The following EPC1 variants were observed in gnomAD, a reference collection of about 807,000 sequenced individuals.
EPC1 encodes the protein enhancer of polycomb 1.
Under a neutral mutation model 98.4 loss-of-function variants are expected in EPC1, and 12 were observed. The observed-to-expected ratio is 0.12, with a 90% confidence interval of 0.08 to 0.20. The LOEUF is 0.20. Ranked by LOEUF, EPC1 falls within the 10% of genes least tolerant of loss-of-function variation. The pLI is 1.00. For missense variants in EPC1, 729 were observed against 990.5 expected, an observed-to-expected ratio of 0.74 and a Z score of 3.54; for synonymous variants, 357 against 363.9, an observed-to-expected ratio of 0.98 and a Z score of 0.21.
At chr10:32,328,128 C>T (rs1837414308) in intron 1 of EPC1, among the ~76,000 whole-genome samples, 1 of 152,100 alleles carries the variant, frequency 6.6e-6, no homozygotes, top group Non-Finnish European at 1.5e-5. Flanking sequence ...CTTTGAGCAA[C>T]AAAGGAAGAG....
intron 1 of EPC1, among the ~76,000 whole-genome samples, chr10:32,357,790 T>G (rs1839319971): frequency 6.6e-6 from 1 of 152,024 alleles, no homozygotes; most frequent in Non-Finnish European, 1.5e-5. Flanking sequence ...TTGCTTTTCA[T>G]TGGCTGGTTT....
At chr10:32,354,007 T>C (rs1839199864) in intron 1 of EPC1, among the ~76,000 whole-genome samples, 1 of 152,238 alleles carries the variant, frequency 6.6e-6, no homozygotes, top group Admixed American at 6.5e-5. Flanking sequence ...TGCCTTTCAA[T>C]ATATTTACTA....
At chr10:32,343,695 G>GGA (rs1015443941) in intron 1 of EPC1, among the ~76,000 whole-genome samples, 1 of 1,040 alleles carries the variant, frequency 9.6e-4, no homozygotes, top group East Asian at 0.042. Context: ...AAATTATTTT[G>GGA]GGGGGGGGGT....
intron 1 of EPC1, among the ~76,000 whole-genome samples, chr10:32,355,274 G>A (rs997930155): frequency 3.9e-5 from 6 of 152,160 alleles, no homozygotes; most frequent in Admixed American, 1.3e-4. Context: ...GGTGGGATGC[G>A]TGAACAGGAA....
upstream of EPC1, among the ~76,000 whole-genome samples, chr10:32,351,335 A>G (rs1020314674): frequency 2.6e-5 from 4 of 152,176 alleles, no homozygotes; most frequent in African/African-American, 9.7e-5. Context: ...TTTTCACTCT[A>G]GCTAGCAGTC....
upstream of EPC1, chr10:32,347,248 C>T: frequency 4.3e-6 from 5 of 1,176,344 alleles, no homozygotes; most frequent in Non-Finnish European, 5.3e-6. Flanking sequence ...GGGCTCGAGG[C>T]CGGCGCCGGC....
At chr10:32,272,232 C>T (rs1835885071) in intron 11 of EPC1, 65 bp from the exon 12 acceptor site, 1 of 1,318,272 alleles carries the variant, frequency 7.6e-7, no homozygotes, top group Non-Finnish European at 1.0e-6. Context: ...ATCAAAACTA[C>T]ACATGCATAC....
intron 11 of EPC1, 106 bp downstream of exon 11, chr10:32,273,057 C>T (rs973856814): frequency 6.2e-7 from 1 of 1,614,146 alleles, no homozygotes; most frequent in Non-Finnish European, 8.5e-7. Context: ...GCGAAAGCCA[C>T]TTTTCTGCTG....
intron 1 of EPC1, among the ~76,000 whole-genome samples, chr10:32,311,384 T>C (rs1451907140): frequency 6.6e-6 from 1 of 151,976 alleles, no homozygotes; most frequent in Non-Finnish European, 1.5e-5. Context: ...TGAAGGTATA[T>C]AGATGGCCAC....
chr10:32,361,964 A>C (rs1223065239), intron 1 of EPC1, among the ~76,000 whole-genome samples: 2 of 152,218 alleles, frequency 1.3e-5, no homozygotes, highest in Admixed American at 1.3e-4. Flanking sequence ...GACCTCTGCT[A>C]CACTCCCACC....
intron 10 of EPC1, chr10:32,281,968 G>A (rs1836432118): frequency 6.6e-6 from 1 of 151,322 alleles, no homozygotes; most frequent in Non-Finnish European, 1.5e-5. Flanking sequence ...ACCACACTTG[G>A]CCTAAATTTT....
chr10:32,340,678 A>G lies in EPC1; in HGVS notation c.153+6085T>C, dbSNP rs563806674. On this transcript the variant is annotated intron_variant, in intron 1 of 13. Transcript: ENST00000319778. ...ATATTTAAAAATAAAAATAGAAAAA[A>G]TTAGGCGTGGTGGTGTGTACCTGTA... is the stretch of plus-strand genomic sequence containing the variant. Among the ~76,000 whole-genome samples, 4 of 152,250 alleles carry G rather than the reference A, an allele frequency of 2.6e-5. No homozygotes were observed. In the South Asian group the frequency reaches 8.3e-4, roughly 32 times the overall value.
intron 1 of EPC1, among the ~76,000 whole-genome samples, chr10:32,323,743 C>T (rs986167015): frequency 4.6e-5 from 7 of 152,164 alleles, no homozygotes; most frequent in African/African-American, 1.7e-4. Flanking sequence ...TGGTCCCTAG[C>T]ATACACATAT....
intron 1 of EPC1, among the ~76,000 whole-genome samples, chr10:32,330,988 T>C (rs537860504): frequency 6.6e-6 from 1 of 152,096 alleles, no homozygotes; most frequent in South Asian, 2.1e-4. Context: ...GAAATAAAAC[T>C]TAATGAATGC....
At chr10:32,299,715 C>T in intron 2 of EPC1, among the ~76,000 whole-genome samples, 1 of 152,122 alleles carries the variant, frequency 6.6e-6, no homozygotes, top group African/African-American at 2.4e-5. Context: ...CAATATTCAT[C>T]TGTTCCTCAT....
intron 1 of EPC1, among the ~76,000 whole-genome samples, chr10:32,373,254 T>C (rs1839800700): frequency 1.3e-5 from 2 of 152,154 alleles, no homozygotes; most frequent in South Asian, 4.2e-4. Flanking sequence ...TTTCCTAATT[T>C]TGTGTGAAGA....
chr10:32,363,590 A>T (rs1355644785), intron 1 of EPC1, among the ~76,000 whole-genome samples: 1 of 152,234 alleles, frequency 6.6e-6, no homozygotes, highest in Non-Finnish European at 1.5e-5. Context: ...CTGAATTTTT[A>T]AAAAAGTGTT....
At chr10:32,285,073 A>G (rs1468174665) in intron 9 of EPC1, 23 bp from the exon 10 acceptor site, 3 of 1,565,540 alleles carry the variant, frequency 1.9e-6, no homozygotes, top group South Asian at 1.2e-5. Flanking sequence ...CAGACAAGAA[A>G]CAGTTATTTA....
intron 2 of EPC1, among the ~76,000 whole-genome samples, chr10:32,296,841 A>G (rs1251971733): frequency 1.3e-5 from 2 of 151,796 alleles, no homozygotes; most frequent in African/African-American, 2.4e-5. Context: ...CGGGAGGCGG[A>G]GGTTGCAGTG....
Sources: gnomAD v4.1 joint callset for allele counts (sites outside exome capture counted in the v4.1 genomes callset) on GRCh38, gnomAD v4.1.1 for gene constraint, MANE v1.5 for transcripts, NCBI Gene and HGNC (gene_info 2026-07-23, HGNC 2026-07-21) for gene names.